RANBP2: variants seen among roughly 807,000 people sequenced by gnomAD.
RANBP2 encodes E3 SUMO-protein ligase RanBP2.
Under a neutral mutation model 303.6 loss-of-function variants are expected in RANBP2, and 57 were observed. The ratio of observed to expected loss-of-function variants is 0.19; its 90% CI spans 0.15 to 0.23. RANBP2 has a LOEUF of 0.23. RANBP2 is among the 10% of genes least tolerant of loss of function. The pLI is 1.00. For synonymous variants in RANBP2, 1,167 were observed against 1,301.5 expected (o/e 0.90, Z 2.23); for missense variants, 3,138 against 3,780.8 (o/e 0.83, Z 4.46).
chr2:108,916,964 C>A, the RANBP2 span, among the ~76,000 whole-genome samples: 3,209 of 152,252 alleles, frequency 0.021, 120 homozygotes, highest in African/African-American at 0.073. Context: ...CACAGGCCAC[C>A]CAGGCCACCA....
At chr2:109,422,600 C>A in the RANBP2 span, among the ~76,000 whole-genome samples, 9 of 89,306 alleles carry the variant, frequency 1.0e-4, no homozygotes, top group East Asian at 2.2e-3. Flanking sequence ...CCTTTCCACC[C>A]CCTGCTGTGT....
Position 108,763,702 on chromosome 2 carries a change from C to A in RANBP2, c.3163C>A (p.Pro1055Thr). 1 of 1,614,072 alleles carries A rather than the reference C, an allele frequency of 6.2e-7. No homozygotes were observed. Among genetic ancestry groups the A allele is most frequent in the Non-Finnish European group, 8.5e-7 (1 of 1,179,986 alleles). Residue 1055 changes from proline to threonine, a missense_variant, in exon 20 of 29, where the codon CCC becomes ACC. By Grantham distance (38) the Pro-to-Thr change is conservative. Transcript: ENST00000283195. ...TFSSPQVVTQ[P>T]PPAAYSNSES... ...TTCCTCACCACAGGTTGTGACACAGCCCCCTCCTGCAGCTTACAGTAACAG... is the reference window on the plus strand; with the variant it reads ...TTCCTCACCACAGGTTGTGACACAGACCCCTCCTGCAGCTTACAGTAACAG...
In RANBP2 at chr2:108,779,748, C is replaced by T. The variant is rs138898104; in HGVS notation, c.8600-1521C>T. Among the ~76,000 whole-genome samples, 7 of 152,198 alleles carry T rather than the reference C, an allele frequency of 4.6e-5. No individual in the cohort carries two copies. In the East Asian group the frequency reaches 1.2e-3, roughly 25 times the overall value. On this transcript the variant is annotated intron_variant, in intron 25 of 28. Transcript: ENST00000283195. ...TAGTTTTCACCTTCTTGCAGGTATG[C>T]GAGAGTGAGACCATCATTGTTCCCC...
the RANBP2 span, among the ~76,000 whole-genome samples, chr2:108,825,827 T>G: frequency 6.6e-6 from 1 of 152,210 alleles, no homozygotes; most frequent in Non-Finnish European, 1.5e-5. Context: ...AGAGTGGAAC[T>G]GCTAAAGTGC....
chr2:109,683,403 C>G, the RANBP2 span, among the ~76,000 whole-genome samples: 2 of 152,196 alleles, frequency 1.3e-5, no homozygotes, highest in African/African-American at 4.8e-5. Context: ...CATGCCTTTT[C>G]TCTTATTAAT....
the RANBP2 span, among the ~76,000 whole-genome samples, chr2:109,517,311 G>A: frequency 4.6e-5 from 7 of 151,690 alleles, no homozygotes; most frequent in East Asian, 3.9e-4. Context: ...CTTTATCCCC[G>A]GACTGTGCGG....
At chr2:109,187,996 G>T in the RANBP2 span, among the ~76,000 whole-genome samples, 1 of 152,156 alleles carries the variant, frequency 6.6e-6, no homozygotes, top group South Asian at 2.1e-4. Context: ...GGCACAGCGG[G>T]GGTTGCCTCT....
At chr2:109,593,066 T>A in the RANBP2 span, 1 of 1,599,312 alleles carries the variant, frequency 6.3e-7, no homozygotes, top group Non-Finnish European at 8.5e-7. Context: ...GTTCATCATC[T>A]GATCCTTGTG....
chr2:109,273,716 T>C, the RANBP2 span, among the ~76,000 whole-genome samples: 1 of 152,194 alleles, frequency 6.6e-6, no homozygotes, highest in African/African-American at 2.4e-5. Context: ...TCTATCACGT[T>C]GCAGGGTAGG....
chr2:109,068,072 T>G, the RANBP2 span, among the ~76,000 whole-genome samples: 1 of 152,228 alleles, frequency 6.6e-6, no homozygotes, highest in African/African-American at 2.4e-5. Context: ...ACCTCCTCAG[T>G]GAAGCTGCCC....
the RANBP2 span, among the ~76,000 whole-genome samples, chr2:109,313,407 G>C: frequency 6.6e-6 from 1 of 152,238 alleles, no homozygotes; most frequent in Non-Finnish European, 1.5e-5. Context: ...CATATTTTAA[G>C]ATGTGCTCAT....
the RANBP2 span, among the ~76,000 whole-genome samples, chr2:109,496,688 C>G: frequency 4.4e-3 from 674 of 152,242 alleles, 5 homozygotes; most frequent in African/African-American, 0.015. Context: ...TTGATCTGAT[C>G]CATTATGTGT....
At chr2:108,903,081 A>T in the RANBP2 span, among the ~76,000 whole-genome samples, 1 of 152,232 alleles carries the variant, frequency 6.6e-6, no homozygotes, top group African/African-American at 2.4e-5. Flanking sequence ...TACAAAAATC[A>T]ATTGTATTTC....
chr2:108,740,268 G>A (rs757485979), intron 6 of RANBP2, among the ~76,000 whole-genome samples: 8 of 152,066 alleles, frequency 5.3e-5, no homozygotes, highest in Non-Finnish European at 1.2e-4. Context: ...GAAATAACTG[G>A]GAATATCATT....
At chr2:109,764,086 G>A in the RANBP2 span, among the ~76,000 whole-genome samples, 1 of 146,854 alleles carries the variant, frequency 6.8e-6, no homozygotes, top group Non-Finnish European at 1.5e-5. Context: ...TATCCAGATG[G>A]CTGTTTCAAC....
chr2:108,811,247 C>CTTTTTTTTTTTTTTTTT, the RANBP2 span, among the ~76,000 whole-genome samples: 5 of 113,932 alleles, frequency 4.4e-5, no homozygotes, highest in African/African-American at 1.9e-4. Context: ...TTCTCTCTCT[C>CTTTTTTTTTTTTTTTTT]TTTTTTTTTT....
At chr2:109,077,457 A>G in the RANBP2 span, among the ~76,000 whole-genome samples, 1 of 150,742 alleles carries the variant, frequency 6.6e-6, no homozygotes, top group African/African-American at 2.4e-5. Flanking sequence ...AAAAATAAAC[A>G]AGTGGGACTA....
At chr2:109,158,141 G>A in the RANBP2 span, among the ~76,000 whole-genome samples, 1 of 152,120 alleles carries the variant, frequency 6.6e-6, no homozygotes, top group Non-Finnish European at 1.5e-5. Context: ...GCCAAGACAG[G>A]ACTGTGACCC....
the RANBP2 span, among the ~76,000 whole-genome samples, chr2:109,395,639 C>G: frequency 6.6e-6 from 1 of 152,236 alleles, no homozygotes; most frequent in East Asian, 1.9e-4. Flanking sequence ...CACCCTCACT[C>G]TCTGTCTCCG....
Sources: allele counts gnomAD v4.1 joint callset (sites outside exome capture counted in the v4.1 genomes callset), GRCh38; gene constraint gnomAD v4.1.1; transcripts MANE v1.5; gene names NCBI Gene and HGNC (gene_info 2026-07-23, HGNC 2026-07-21).